CCDC18: variants seen among roughly 807,000 people sequenced by gnomAD.
CCDC18 encodes the protein coiled-coil domain containing 18, also known as coiled-coil domain-containing protein 18.
In CCDC18, 157 loss-of-function variants were observed where a neutral mutation model predicts 196.0. That is an observed-to-expected ratio of 0.80 (90% CI 0.70 to 0.91). The LOEUF (loss-of-function observed/expected upper bound fraction) is 0.91, where lower values mean the gene tolerates loss of function less well. Ranked by LOEUF, CCDC18 falls within the 40% of genes least tolerant of loss-of-function variation. CCDC18 has a pLI of 0.00. For synonymous variants in CCDC18, 482 were observed against 529.2 expected (o/e 0.91, Z 1.22); for missense variants, 1,465 against 1,611.6 (o/e 0.91, Z 1.56).
chr1:93,266,324 G>A (rs2101398499), intron 27 of CCDC18, among the ~76,000 whole-genome samples: 1 of 152,270 alleles, frequency 6.6e-6, no homozygotes. Context: ...AGCACTAAAT[G>A]CCCACAAGAG....
chr1:93,228,904 C>A (rs991614161), intron 17 of CCDC18, among the ~76,000 whole-genome samples: 1 of 152,026 alleles, frequency 6.6e-6, no homozygotes, highest in East Asian at 1.9e-4. Flanking sequence ...GATATTTACA[C>A]ACAAAATAAA....
At position 93,270,368 on chromosome 1, in the gene CCDC18, C is replaced by G. The variant is rs768056787; in HGVS notation, c.3907C>G (p.Gln1303Glu). Reference sequence around the variant, plus strand: ...GCAGGAATCAGAATTAACCAGATTACAGGCCAAAATTTCTGGACATGAAAA... The same window carrying G: ...GCAGGAATCAGAATTAACCAGATTAGAGGCCAAAATTTCTGGACATGAAAA... ...LTKESELTRL[Q>E]AKISGHEKAE... Residue 1303 changes from glutamine to glutamate, a missense_variant, in exon 28 of 29, where the codon CAG becomes GAG. Physicochemically the swap from Gln to Glu is conservative, Grantham distance 29. Transcript: ENST00000690025. 31 of 1,548,310 alleles carry G rather than the reference C, an allele frequency of 2.0e-5. No homozygotes were observed. In the African/African-American group the frequency reaches 4.2e-4, roughly 21 times the overall value.
intron 21 of CCDC18, among the ~76,000 whole-genome samples, chr1:93,241,287 G>A (rs533762343): frequency 4.7e-4 from 71 of 152,008 alleles, no homozygotes; most frequent in African/African-American, 1.7e-3. Context: ...TTGATTTCGT[G>A]GCCTCTTTTC....
chr1:93,254,234 A>G lies in CCDC18; in HGVS notation c.3199-237A>G, dbSNP rs545220664. Among the ~76,000 whole-genome samples the G allele has an allele frequency of 2.6e-5, 4 of 152,270 alleles. No homozygotes were observed. The South Asian group carries it at 8.3e-4, about 32-fold the overall frequency. ...ACATTTTATAGTGGTGAAGTCTGAG[A>G]GGGTGCAGGATTCCTGTTGTTGTGG... On this transcript the variant is annotated intron_variant, in intron 23 of 28. Coordinates refer to ENST00000690025, the MANE Select transcript of CCDC18 (RefSeq NM_001378204.1).
intron 21 of CCDC18, among the ~76,000 whole-genome samples, chr1:93,245,444 T>C (rs532064065): frequency 2.0e-5 from 3 of 152,246 alleles, no homozygotes; most frequent in African/African-American, 7.2e-5. Flanking sequence ...GAAAATCATA[T>C]GAAGATTTTC....
At chr1:93,190,209 G>T (rs1352888093) in intron 4 of CCDC18, among the ~76,000 whole-genome samples, 1 of 151,966 alleles carries the variant, frequency 6.6e-6, no homozygotes, top group Non-Finnish European at 1.5e-5. Flanking sequence ...AAGCTTTTGG[G>T]CCGGGCACGG....
At chr1:93,246,444 C>T (rs570704451) in intron 22 of CCDC18, among the ~76,000 whole-genome samples, 10 of 152,002 alleles carry the variant, frequency 6.6e-5, no homozygotes, top group Admixed American at 2.0e-4. Flanking sequence ...TATATTACCC[C>T]GTATCAGAAG....
At chr1:93,212,049 T>G (rs1471930224) in intron 10 of CCDC18, 52 bp from the exon 11 acceptor site, 1 of 1,486,914 alleles carries the variant, frequency 6.7e-7, no homozygotes, top group Non-Finnish European at 9.1e-7. Context: ...ACAGTATGAG[T>G]TTTTTTATAG....
At chr1:93,217,672 C>G in intron 13 of CCDC18, 66 bp from the exon 14 acceptor site, 1 of 1,383,334 alleles carries the variant, frequency 7.2e-7, no homozygotes, top group Non-Finnish European at 9.8e-7. Context: ...CTCCTGGATT[C>G]AAGCGATCTG....
At chr1:93,223,898 T>TACAC (rs1657857388) in intron 16 of CCDC18, among the ~76,000 whole-genome samples, 2 of 82,606 alleles carry the variant, frequency 2.4e-5, no homozygotes, top group African/African-American at 1.1e-4. Context: ...TTCATTTATT[T>TACAC]ATACACACAC....
At chr1:93,181,851 G>A (rs902925625) in intron 1 of CCDC18, among the ~76,000 whole-genome samples, 1 of 152,160 alleles carries the variant, frequency 6.6e-6, no homozygotes, top group Non-Finnish European at 1.5e-5. Context: ...TTTTGACCTC[G>A]TGATCCACCC....
At chr1:93,248,009 CTTTTTTTTTTTT>C (rs71586785) in intron 23 of CCDC18, among the ~76,000 whole-genome samples, 1 of 69,780 alleles carries the variant, frequency 1.4e-5, no homozygotes, top group African/African-American at 6.5e-5. Flanking sequence ...TATTTTCCTT[CTTTTTTTTTTTT>C]TTTTTTTTTT....
chr1:93,241,723 C>CAAA (rs35810581), intron 21 of CCDC18, among the ~76,000 whole-genome samples: 8,026 of 59,758 alleles, frequency 0.13, 1,261 homozygotes, highest in African/African-American at 0.29. Context: ...GACTCCATCT[C>CAAA]AAAAAAAAAA....
intron 27 of CCDC18, among the ~76,000 whole-genome samples, chr1:93,268,028 C>A (rs747543192): frequency 1.3e-5 from 2 of 152,142 alleles, no homozygotes; most frequent in African/African-American, 2.4e-5. Flanking sequence ...CGCTTCCTGA[C>A]TACAGGGCTA....
chr1:93,205,651 A>G lies in CCDC18; in HGVS notation c.917+20A>G, dbSNP rs530707569. 1.9e-6 allele frequency: 3 copies of G among 1,568,148 alleles called. No individual in the cohort carries two copies. In the Admixed American group the frequency reaches 6.3e-5, roughly 33 times the overall value. ...ATTAAGGTACAGTATTCTGTTGTAG[A>G]AAAAGGATTTTTGTGTGGACATGGA... On this transcript the variant is annotated intron_variant, in intron 8 of 28. Transcript: ENST00000690025.
intron 28 of CCDC18, chr1:93,273,671 A>G (rs6667701): frequency 0.19 from 28,614 of 152,066 alleles, 3,011 homozygotes; most frequent in African/African-American, 0.27. Flanking sequence ...AAATTTCTAG[A>G]ATGTTCTGTA....
At chr1:93,183,323 T>G (rs1441001636) in intron 1 of CCDC18, 37 bp from the exon 2 acceptor site, 1 of 1,439,154 alleles carries the variant, frequency 6.9e-7, no homozygotes, top group Admixed American at 2.2e-5. Flanking sequence ...TACAGAATCT[T>G]TCAGACAAGG....
Position 93,207,096 on chromosome 1 carries a change from TTTC to T in CCDC18, c.918-7_918-5del. 2 of 1,359,488 alleles carry T rather than the reference TTTC, an allele frequency of 1.5e-6. No homozygotes were observed. The highest frequency in any genetic ancestry group is 2.9e-5 in the South Asian group (2 of 69,210). 84.2% of individuals were successfully genotyped at this position (1,359,488 alleles called of 1,614,324 possible). ...TATTTTATTTTCATTTTTATTCTCT[TTTC>T]TTCATAGGCAGTTAAAAGAAGAAAA... On this transcript the variant is annotated splice_polypyrimidine_tract_variant and splice_region_variant and intron_variant, in intron 8 of 28. Coordinates refer to ENST00000690025, the MANE Select transcript of CCDC18 (RefSeq NM_001378204.1).
At chr1:93,200,201 C>T (rs1557615525) in intron 6 of CCDC18, among the ~76,000 whole-genome samples, 1 of 152,054 alleles carries the variant, frequency 6.6e-6, no homozygotes, top group Non-Finnish European at 1.5e-5. Flanking sequence ...TCTCTAACAT[C>T]TGGCTTCAAG....
Sources: allele counts gnomAD v4.1 joint callset (sites outside exome capture counted in the v4.1 genomes callset), GRCh38; gene constraint gnomAD v4.1.1; transcripts MANE v1.5; gene names NCBI Gene and HGNC (gene_info 2026-07-23, HGNC 2026-07-21).